PTPN14: variants seen among roughly 807,000 people sequenced by gnomAD.
PTPN14 encodes the protein tyrosine-protein phosphatase non-receptor type 14.
Under a neutral mutation model 126.8 loss-of-function variants are expected in PTPN14, and 53 were observed. The observed-to-expected ratio is 0.42, with a 90% CI of 0.34 to 0.53. The LOEUF (loss-of-function observed/expected upper bound fraction) is 0.53. PTPN14 is among the 20% of genes least tolerant of loss of function. The pLI, the probability that PTPN14 is intolerant of heterozygous loss-of-function variation, is 0.08. For missense variants in PTPN14, 1,257 were observed against 1,552.9 expected (o/e 0.81, Z 3.20); for synonymous variants, 630 against 599.3 (o/e 1.05, Z -0.75).
intron 1 of PTPN14, among the ~76,000 whole-genome samples, chr1:214,542,412 G>A (rs1269638336): frequency 6.6e-6 from 1 of 152,166 alleles, no homozygotes; most frequent in African/African-American, 2.4e-5. Flanking sequence ...GACGCGGGGG[G>A]GCAGCCTCAG....
intron 3 of PTPN14, among the ~76,000 whole-genome samples, chr1:214,438,892 G>C (rs142693486): frequency 6.6e-6 from 1 of 152,142 alleles, no homozygotes; most frequent in Admixed American, 6.5e-5. Flanking sequence ...AAGCACAATG[G>C]CAAATGCTTT....
intron 18 of PTPN14, among the ~76,000 whole-genome samples, chr1:214,359,870 G>T (rs1456039420): frequency 6.6e-6 from 1 of 152,216 alleles, no homozygotes; most frequent in Non-Finnish European, 1.5e-5. Flanking sequence ...TTGCCTATGT[G>T]TGAATTCTTT....
chr1:214,464,174 C>T (rs1227672317), intron 2 of PTPN14, among the ~76,000 whole-genome samples: 3 of 56,014 alleles, frequency 5.4e-5, no homozygotes, highest in South Asian at 5.7e-4. Context: ...TCTCTTTATT[C>T]GGTGGGGTTT....
intron 11 of PTPN14, among the ~76,000 whole-genome samples, chr1:214,390,225 G>T (rs543470014): frequency 6.6e-6 from 1 of 152,294 alleles, no homozygotes; most frequent in Non-Finnish European, 1.5e-5. Context: ...AGAATTGTGA[G>T]TTAAAACAAG....
chr1:214,430,127 C>A (rs1659765669), intron 3 of PTPN14, among the ~76,000 whole-genome samples: 1 of 152,190 alleles, frequency 6.6e-6, no homozygotes, highest in South Asian at 2.1e-4. Context: ...TTCTAGGTAT[C>A]CTTGAGGACT....
chr1:214,393,517 A>T (rs1658806596), intron 10 of PTPN14, among the ~76,000 whole-genome samples, 178 bp downstream of exon 10: 1 of 152,204 alleles, frequency 6.6e-6, no homozygotes, highest in African/African-American at 2.4e-5. Context: ...TATGCACGAC[A>T]CTAGACAGTC....
chr1:214,398,834 C>T (rs1239074852), intron 7 of PTPN14, among the ~76,000 whole-genome samples: 5 of 151,556 alleles, frequency 3.3e-5, no homozygotes, highest in South Asian at 2.1e-4. Flanking sequence ...GGCGTGATCC[C>T]GGCTAACTGC....
chr1:214,468,732 A>G (rs1660693532), intron 1 of PTPN14, among the ~76,000 whole-genome samples: 1 of 152,164 alleles, frequency 6.6e-6, no homozygotes, highest in African/African-American at 2.4e-5. Flanking sequence ...AGTTTTCATA[A>G]TCAAAAGTTA....
At position 214,475,980 on chromosome 1, in the gene PTPN14, A is replaced by G. The variant is rs138446073; in HGVS notation, c.-154-11023T>C. ...GTAACAATGACAATAGCAAGCACCC[A>G]CATTCTACAAAAAACAACTATGACA... On this transcript the variant is annotated intron_variant, in intron 1 of 18. Coordinates refer to ENST00000366956, the MANE Select transcript of PTPN14 (RefSeq NM_005401.5). 2.6e-5 allele frequency among the ~76,000 whole-genome samples: 4 copies of G among 152,316 alleles called. 1 individual carries two copies. The highest frequency in any genetic ancestry group is 9.6e-5 in the African/African-American group (4 of 41,566).
intron 1 of PTPN14, among the ~76,000 whole-genome samples, chr1:214,534,704 C>T (rs902306268): frequency 5.7e-5 from 3 of 52,942 alleles, no homozygotes; most frequent in African/African-American, 1.1e-4. Context: ...CAAAGCAAGA[C>T]TCCTTCTCAA....
chr1:214,441,370 G>T (rs918507607), intron 3 of PTPN14, among the ~76,000 whole-genome samples: 6 of 152,166 alleles, frequency 3.9e-5, no homozygotes, highest in African/African-American at 1.4e-4. Context: ...GGCTGGGGAA[G>T]TTTTGAGGTT....
At chr1:214,402,760 G>A (rs1659062712) in intron 6 of PTPN14, 123 bp downstream of exon 6, 1 of 1,067,124 alleles carries the variant, frequency 9.4e-7, no homozygotes. Context: ...GAGTCACGTG[G>A]TGGAATAAAT....
chr1:214,476,179 T>A (rs935721743), intron 1 of PTPN14, among the ~76,000 whole-genome samples: 1 of 152,180 alleles, frequency 6.6e-6, no homozygotes, highest in Non-Finnish European at 1.5e-5. Context: ...CTTACCTAGA[T>A]GGCCTATTCT....
chr1:214,402,629 C>CGAAGGAAGGAAG, intron 6 of PTPN14, among the ~76,000 whole-genome samples: 1 of 47,592 alleles, frequency 2.1e-5, no homozygotes, highest in Non-Finnish European at 3.6e-5. Context: ...CCCAGATTCT[C>CGAAGGAAGGAAG]TAAGGAAGGA....
At chr1:214,370,080 A>G (rs1658180792) in intron 16 of PTPN14, among the ~76,000 whole-genome samples, 1 of 152,192 alleles carries the variant, frequency 6.6e-6, no homozygotes, top group Admixed American at 6.5e-5. Flanking sequence ...GGAGATCGAG[A>G]CCATCCTGGC....
Position 214,383,431 on chromosome 1 carries a change from G to A in PTPN14, c.2424C>T (p.Ile808=). ...TCACACTAGTCAGGTCGGGTTCCGA[G>A]ATGGATGGGCCGAGAGAGGCCCCGT... The part of the protein sequence containing the change: ...AVNGASLGPS[I]SEPDLTSVKE... Residue 808 remains isoleucine, a synonymous_variant, in exon 13 of 19, where the codon ATC becomes ATT. Coordinates refer to ENST00000366956, the MANE Select transcript of PTPN14 (RefSeq NM_005401.5). This position sits in a 1 kb window ranked among gnomAD's most constrained non-coding sequence, Gnocchi z 4.4. The A allele has an allele frequency of 1.2e-6, 2 of 1,614,258 alleles. No homozygotes were observed. Among genetic ancestry groups the A allele is most frequent in the Non-Finnish European group, 1.7e-6 (2 of 1,180,050 alleles).
At chr1:214,404,488 C>T (rs1488218915) in intron 5 of PTPN14, among the ~76,000 whole-genome samples, 1 of 152,110 alleles carries the variant, frequency 6.6e-6, no homozygotes, top group African/African-American at 2.4e-5. Flanking sequence ...GAGTAAAAAC[C>T]CCATTAATTT....
intron 2 of PTPN14, among the ~76,000 whole-genome samples, chr1:214,457,086 G>A (rs571577434): frequency 6.6e-6 from 1 of 152,186 alleles, no homozygotes; most frequent in South Asian, 2.1e-4. Flanking sequence ...TCAAACCACA[G>A]AAATATTCTT....
chr1:214,486,126 G>A (rs1661106884), intron 1 of PTPN14, among the ~76,000 whole-genome samples: 1 of 152,094 alleles, frequency 6.6e-6, no homozygotes, highest in African/African-American at 2.4e-5. Context: ...GTAGAGGGAG[G>A]GGTGTTAATA....
Sources: allele counts gnomAD v4.1 joint callset (sites outside exome capture counted in the v4.1 genomes callset), GRCh38; gene constraint gnomAD v4.1.1; non-coding constraint Gnocchi (gnomAD v3.1); transcripts MANE v1.5; gene names NCBI Gene and HGNC (gene_info 2026-07-23, HGNC 2026-07-21).